Variants in CPNE2 observed in about 807,000 individuals in gnomAD.
CPNE2 encodes the protein copine-2.
A neutral mutation model predicts 69.7 loss-of-function variants in CPNE2; 42 were observed. That is an observed-to-expected ratio of 0.60 (90% confidence interval 0.47 to 0.78). The LOEUF is 0.78. Ranked by LOEUF, CPNE2 falls within the 30% of genes least tolerant of loss-of-function variation. The probability of loss-of-function intolerance (pLI) is 0.00; values close to 1 mark genes in which losing one functional copy is unlikely to be tolerated. For synonymous variants in CPNE2, 294 were observed against 289.8 expected, an observed-to-expected ratio of 1.01 and a Z score of -0.15; for missense variants, 587 against 732.0, an observed-to-expected ratio of 0.80 and a Z score of 2.29.
In CPNE2 at chr16:57,146,030, A is replaced by G; in HGVS notation, c.1303-55A>G. The G allele has an allele frequency of 7.0e-7, 1 of 1,438,682 alleles. No homozygotes were observed. Among genetic ancestry groups the G allele is most frequent in the African/African-American group, 1.4e-5 (1 of 71,496 alleles). 89.1% of individuals were successfully genotyped at this position (1,438,682 alleles called of 1,614,324 possible). A position where few individuals can be genotyped will look rare whatever the true frequency, so the allele number is the denominator to read the frequency against. ...GGTTTGGGATGAAGGAGGGAGGGAGAAGGGGTGCCAGAGCCTCGACCTTGC... is the reference window on the plus strand; with the variant it reads ...GGTTTGGGATGAAGGAGGGAGGGAGGAGGGGTGCCAGAGCCTCGACCTTGC... On this transcript the variant is annotated intron_variant, in intron 14 of 15. Transcript: ENST00000290776. The surrounding 1 kb of genome is among the most constrained non-coding windows in gnomAD (Gnocchi z 4.4).
At chr16:57,121,794 C>G in intron 9 of CPNE2, 34 bp downstream of exon 9, 1 of 1,593,000 alleles carries the variant, frequency 6.3e-7, no homozygotes, top group Non-Finnish European at 8.6e-7. Flanking sequence ...AGCCAGGGGC[C>G]AGGTTTCAGG....
intron 10 of CPNE2, chr16:57,124,592 C>T (rs2069787204): frequency 5.9e-6 from 2 of 337,530 alleles, no homozygotes; most frequent in Admixed American, 3.7e-5. Context: ...GAACTGCCAC[C>T]TTGCCTGTGG....
rs200019598 is a variant in CPNE2 at position 57,147,653 on chromosome 16, G to A, written c.1642G>A (p.Ala548Thr). 18 of 1,597,462 alleles carry A rather than the reference G, an allele frequency of 1.1e-5. No homozygotes were observed. Among genetic ancestry groups the A allele is most frequent in the East Asian group, 2.3e-5 (1 of 44,380 alleles). Residue 548 changes from alanine (A) to threonine (T), a missense_variant, in exon 16 of 16, where the codon GCC becomes ACC. Physicochemically the swap from Ala to Thr is moderately conservative, Grantham distance 58 (BLOSUM62 0). Transcript: ENST00000290776. ...CCTGCCCCCCACCAACTCGGAGCCC[G>A]CCTGAGCTCCAGTGCCCAGCAGCAG... The part of the protein sequence containing the change: ...KNLPPTNSEP[A>T]
chr16:57,126,299 G>A (rs2069800439), intron 11 of CPNE2, among the ~76,000 whole-genome samples: 1 of 152,186 alleles, frequency 6.6e-6, no homozygotes, highest in Non-Finnish European at 1.5e-5. Flanking sequence ...TCTCCTTTTA[G>A]AGCTGGGGAA....
intron 5 of CPNE2, 93 bp from the exon 6 acceptor site, chr16:57,119,102 C>A: frequency 8.9e-7 from 1 of 1,125,010 alleles, no homozygotes; most frequent in Non-Finnish European, 1.3e-6. Context: ...CCTATCCTGA[C>A]ACCCGGCTGG....
At chr16:57,137,687 T>C (rs1335475255) in intron 14 of CPNE2, among the ~76,000 whole-genome samples, 1 of 152,232 alleles carries the variant, frequency 6.6e-6, no homozygotes, top group Admixed American at 6.5e-5. Flanking sequence ...TGTCTGGCCC[T>C]GGCCCTACAC....
intron 1 of CPNE2, among the ~76,000 whole-genome samples, chr16:57,106,484 A>T (rs573737357): frequency 6.6e-6 from 1 of 152,266 alleles, no homozygotes; most frequent in African/African-American, 2.4e-5. Context: ...GAGTGTTCAT[A>T]TGAGCATCTG....
Position 57,130,027 on chromosome 16 carries a change from T to C in CPNE2, c.1116+2124T>C, listed in dbSNP as rs761152580. ...GCTTTGGGAGGCCAAGGCAGGAGGA[T>C]TGCTTGAGCCAGGAGTTCAAGACCA... is the stretch of plus-strand genomic sequence containing the variant. On this transcript the variant is annotated intron_variant, in intron 12 of 15. Coordinates refer to ENST00000290776, the MANE Select transcript of CPNE2 (RefSeq NM_152727.6). This position sits in a 1 kb window ranked among gnomAD's most constrained non-coding sequence, Gnocchi z 4.1. Among the ~76,000 whole-genome samples, 40 of 151,742 alleles carry C rather than the reference T, an allele frequency of 2.6e-4. No homozygotes were observed. The highest frequency in any genetic ancestry group is 4.6e-4 in the Admixed American group (7 of 15,236).
At chr16:57,126,041 C>G in intron 11 of CPNE2, 48 bp downstream of exon 11, 1 of 1,607,504 alleles carries the variant, frequency 6.2e-7, no homozygotes, top group South Asian at 1.1e-5. Flanking sequence ...TCCATCCAAC[C>G]TGGGAAGCTC....
intron 14 of CPNE2, chr16:57,143,686 T>A (rs1266566720): frequency 6.6e-6 from 1 of 152,368 alleles, no homozygotes; most frequent in Non-Finnish European, 1.5e-5. Flanking sequence ...CACTGTGTGG[T>A]ATCACCTCCT....
intron 1 of CPNE2, among the ~76,000 whole-genome samples, chr16:57,103,627 T>G (rs931705366): frequency 6.6e-6 from 1 of 152,140 alleles, no homozygotes; most frequent in Admixed American, 6.5e-5. Flanking sequence ...TTACCAGGCC[T>G]CCTCCTGGGC....
chr16:57,139,507 G>A lies in CPNE2; in HGVS notation c.1302+2225G>A, dbSNP rs1352474646. ...CAAAGACATACTGGACCCCAGGCAA[G>A]AAGAGGGTCTTTTTGGGAATGGGCT... On this transcript the variant is annotated intron_variant, in intron 14 of 15. Transcript: ENST00000290776. Among the ~76,000 whole-genome samples, 6 of 152,216 alleles carry A rather than the reference G, an allele frequency of 3.9e-5. No homozygotes were observed. The East Asian group carries it at 1.2e-3, about 29-fold the overall frequency.
intron 1 of CPNE2, chr16:57,093,987 G>A: frequency 1.3e-5 from 6 of 454,790 alleles, no homozygotes; most frequent in Non-Finnish European, 2.7e-5. Context: ...GTGGCCCTCT[G>A]GGTCACCATC....
At chr16:57,115,261 G>A (rs1418631866) in intron 3 of CPNE2, among the ~76,000 whole-genome samples, 3 of 152,270 alleles carry the variant, frequency 2.0e-5, no homozygotes, top group Non-Finnish European at 4.4e-5. Flanking sequence ...GAGACCTCAG[G>A]CGGGTCTCTT....
intron 14 of CPNE2, among the ~76,000 whole-genome samples, chr16:57,139,472 G>A (rs1800103862): frequency 6.6e-6 from 1 of 152,186 alleles, no homozygotes; most frequent in Admixed American, 6.5e-5. Flanking sequence ...TAGCTGATTT[G>A]TTAGTCCTGC....
intron 14 of CPNE2, chr16:57,142,693 T>C (rs1269610399): frequency 6.6e-6 from 1 of 152,094 alleles, no homozygotes; most frequent in Non-Finnish European, 1.5e-5. Flanking sequence ...GTGTCTGGTG[T>C]CCCAGTGGAG....
intron 13 of CPNE2, 140 bp downstream of exon 13, chr16:57,134,966 G>T: frequency 1.1e-6 from 1 of 920,570 alleles, no homozygotes. Context: ...GTGACAGAGG[G>T]GGAAGAGCTG....
chr16:57,146,574 C>T lies in CPNE2; in HGVS notation c.1539+253C>T. 2.0e-6 allele frequency: 1 copy of T among 496,352 alleles called. No homozygotes were observed. Among genetic ancestry groups the T allele is most frequent in the Non-Finnish European group, 3.6e-6 (1 of 275,696 alleles). The allele number at this position is 496,352 out of a possible 1,614,324, so 30.7% of individuals were successfully genotyped here. The stretch of plus-strand genomic sequence containing the variant: ...GGAGCCGTGGGCATCTAGCCTGAGG[C>T]TCTGGGGCAGGGCTTCCTGGAGGAC... On this transcript the variant is annotated intron_variant, in intron 15 of 15. Transcript: ENST00000290776. The surrounding 1 kb of genome is among the most constrained non-coding windows in gnomAD (Gnocchi z 4.4).
At chr16:57,143,818 C>T (rs1367332731) in intron 14 of CPNE2, 1 of 152,234 alleles carries the variant, frequency 6.6e-6, no homozygotes, top group Non-Finnish European at 1.5e-5. Flanking sequence ...CTCCTAGGCA[C>T]GGGGGCTGAT....
Sources: allele counts gnomAD v4.1 joint callset (sites outside exome capture counted in the v4.1 genomes callset), GRCh38; gene constraint gnomAD v4.1.1; non-coding constraint Gnocchi (gnomAD v3.1); transcripts MANE v1.5; gene names NCBI Gene and HGNC (gene_info 2026-07-23, HGNC 2026-07-21).